Variants in NINL observed in about 807,000 individuals in gnomAD.
NINL encodes the protein ninein-like protein.
In NINL, 153 loss-of-function variants were observed where a neutral mutation model predicts 160.3. The observed-to-expected ratio is 0.95, with a 90% confidence interval of 0.84 to 1.09. The LOEUF is 1.09. Among genes scored for constraint, NINL ranks in the 50% least tolerant of loss-of-function variants. The pLI, the probability that NINL is intolerant of heterozygous loss-of-function variation, is 0.00. For missense variants in NINL, 1,829 were observed against 1,764.0 expected, an observed-to-expected ratio of 1.04 and a Z score of -0.66; for synonymous variants, 800 against 734.8, an observed-to-expected ratio of 1.09 and a Z score of -1.43.
intron 1 of NINL, among the ~76,000 whole-genome samples, chr20:25,566,518 G>A (rs1204944812): frequency 6.6e-6 from 1 of 152,176 alleles, no homozygotes; most frequent in Non-Finnish European, 1.5e-5. Flanking sequence ...AGATAACTAT[G>A]ATTAACATGT....
At chr20:25,458,306 G>T in intron 22 of NINL, 77 bp downstream of exon 22, 1 of 1,560,210 alleles carries the variant, frequency 6.4e-7, no homozygotes. Flanking sequence ...TGCAGCTTCT[G>T]GGTAACTGAG....
intron 17 of NINL, among the ~76,000 whole-genome samples, chr20:25,470,297 G>A (rs1054308200): frequency 2.0e-5 from 3 of 152,178 alleles, no homozygotes; most frequent in African/African-American, 7.2e-5. Context: ...CACAGAAAAC[G>A]GAACTTTCTT....
At chr20:25,505,123 A>G (rs760510766) in intron 5 of NINL, 45 bp from the exon 6 acceptor site, 6 of 1,475,178 alleles carry the variant, frequency 4.1e-6, no homozygotes, top group African/African-American at 1.4e-5. Flanking sequence ...TACATACACA[A>G]TGGAGCACGA....
At chr20:25,498,067 C>G (rs1055440354) in intron 9 of NINL, 143 bp downstream of exon 9, 5 of 1,013,150 alleles carry the variant, frequency 4.9e-6, no homozygotes, top group Non-Finnish European at 7.3e-6. Flanking sequence ...GAGCACGGGA[C>G]AGACAGTGTG....
intron 1 of NINL, among the ~76,000 whole-genome samples, chr20:25,531,146 T>A (rs1479547993): frequency 6.6e-6 from 1 of 152,180 alleles, no homozygotes; most frequent in Non-Finnish European, 1.5e-5. Flanking sequence ...TTTCTCCCAT[T>A]TGCTTTTGAA....
Position 25,476,743 on chromosome 20 carries a change from G to A in NINL, c.2548C>T (p.Arg850Cys), listed in dbSNP as rs779259481. 4 of 1,607,772 alleles carry A rather than the reference G, an allele frequency of 2.5e-6. No individual in the cohort carries two copies. Among genetic ancestry groups the A allele is most frequent in the Middle Eastern group, 1.7e-4 (1 of 6,056 alleles). ...AGTGGCCGCTCCCCACAGCCCGGACGCAGTGGTAGGAGGCCACGTGTGCCC... is the reference window on the plus strand; with the variant it reads ...AGTGGCCGCTCCCCACAGCCCGGACACAGTGGTAGGAGGCCACGTGTGCCC... ...QEGTRGLLPL[R>C]PGCGERPLAW... Residue 850 changes from arginine to cysteine, a missense_variant, in exon 17 of 24, where the codon CGT becomes TGT. Physicochemically the swap from Arg to Cys is radical, Grantham distance 180. Transcript: ENST00000278886.
At position 25,512,965 on chromosome 20, in the gene NINL, T is replaced by G. The variant is rs1311329430; in HGVS notation, c.319A>C (p.Lys107Gln). 6.2e-7 allele frequency: 1 copy of G among 1,612,484 alleles called. No homozygotes were observed. Among genetic ancestry groups the G allele is most frequent in the African/African-American group, 1.3e-5 (1 of 74,876 alleles). The change falls in exon 4 of 24, where the codon AAG becomes CAG. Residue 107 changes from lysine to glutamine, a missense_variant. Lys to Gln is a moderately conservative substitution (Grantham distance 53). Coordinates refer to ENST00000278886, the MANE Select transcript of NINL (RefSeq NM_025176.6). ...GGCCGGCTCCGACGGCCATACCACT[T>G]AGAACCATTCACATACTTTGGAGGG... ...AIPPKYVNGS[K>Q]WYGRRSRPEL...
chr20:25,569,492 G>C (rs558079449), intron 1 of NINL, among the ~76,000 whole-genome samples: 4 of 152,208 alleles, frequency 2.6e-5, no homozygotes, highest in Non-Finnish European at 4.4e-5. Flanking sequence ...TGGGATGCTG[G>C]TGCAGAAGCC....
intron 1 of NINL, among the ~76,000 whole-genome samples, chr20:25,576,299 G>T (rs1385502669): frequency 1.3e-5 from 2 of 152,154 alleles, no homozygotes; most frequent in Non-Finnish European, 2.9e-5. Context: ...ATTCAAGGGT[G>T]GCAGGAACAC....
chr20:25,482,110 C>T lies in NINL; in HGVS notation c.1678-10G>A. On this transcript the variant is annotated splice_polypyrimidine_tract_variant and intron_variant, in intron 13 of 23. Coordinates refer to ENST00000278886, the MANE Select transcript of NINL (RefSeq NM_025176.6). ...TGCGGTCCTGCAGGTCCTGTGGGGA[C>T]AGAGCCAGCCACCTCCTCTAGCAGC... 6.3e-7 allele frequency: 1 copy of T among 1,589,784 alleles called. No individual in the cohort carries two copies. The highest frequency in any genetic ancestry group is 8.5e-7 in the Non-Finnish European group (1 of 1,174,078).
intron 23 of NINL, among the ~76,000 whole-genome samples, chr20:25,455,098 C>T (rs2090634234): frequency 6.6e-6 from 1 of 152,144 alleles, no homozygotes; most frequent in Non-Finnish European, 1.5e-5. Flanking sequence ...CGGAGTCCCC[C>T]AGACACGAGG....
At chr20:25,466,182 C>A (rs2062908647) in intron 19 of NINL, among the ~76,000 whole-genome samples, 1 of 151,968 alleles carries the variant, frequency 6.6e-6, no homozygotes, top group African/African-American at 2.4e-5. Context: ...GCAGCATACT[C>A]AGCTGATTTT....
At chr20:25,499,605 A>T (rs1198194192) in intron 8 of NINL, among the ~76,000 whole-genome samples, 1 of 151,970 alleles carries the variant, frequency 6.6e-6, no homozygotes, top group Non-Finnish European at 1.5e-5. Flanking sequence ...TCTCAGGACA[A>T]TTGTGAGGCC....
At chr20:25,582,792 G>T (rs2065187844) in intron 1 of NINL, among the ~76,000 whole-genome samples, 1 of 152,018 alleles carries the variant, frequency 6.6e-6, no homozygotes, top group Admixed American at 6.6e-5. Flanking sequence ...CTGTTTAACA[G>T]ATGAGTTTTA....
At chr20:25,527,333 T>A (rs1396802407) in intron 1 of NINL, among the ~76,000 whole-genome samples, 1 of 152,102 alleles carries the variant, frequency 6.6e-6, no homozygotes, top group South Asian at 2.1e-4. Flanking sequence ...TTTCTATTTT[T>A]ACTAGAGACG....
chr20:25,572,248 T>G (rs1190189438), intron 1 of NINL, among the ~76,000 whole-genome samples: 1 of 151,912 alleles, frequency 6.6e-6, no homozygotes, highest in Non-Finnish European at 1.5e-5. Context: ...TTGTTGCAAT[T>G]TATTTTTGTT....
chr20:25,481,152 A>T (rs1388328770), intron 14 of NINL, among the ~76,000 whole-genome samples: 1 of 152,002 alleles, frequency 6.6e-6, no homozygotes, highest in Admixed American at 6.5e-5. Flanking sequence ...GCAACAGGAG[A>T]ACTCTGAAGT....
At chr20:25,463,987 T>C (rs542337116) in intron 19 of NINL, among the ~76,000 whole-genome samples, 13 of 152,322 alleles carry the variant, frequency 8.5e-5, no homozygotes, top group Admixed American at 7.8e-4. Context: ...AAAATTAGAA[T>C]TGTTTTAATA....
intron 23 of NINL, 68 bp from the exon 24 acceptor site, chr20:25,453,710 C>T: frequency 7.1e-7 from 1 of 1,417,826 alleles, no homozygotes; most frequent in South Asian, 1.4e-5. Context: ...AGCCTGCTCT[C>T]TTTTATCCTC....
Sources: allele counts gnomAD v4.1 joint callset (sites outside exome capture counted in the v4.1 genomes callset), GRCh38; gene constraint gnomAD v4.1.1; transcripts MANE v1.5; gene names NCBI Gene and HGNC (gene_info 2026-07-23, HGNC 2026-07-21).